Variants in PTK7 observed in about 807,000 individuals in gnomAD.
PTK7 encodes protein tyrosine kinase 7 (inactive), also known as inactive tyrosine-protein kinase 7.
In PTK7, 39 loss-of-function variants were observed where a neutral mutation model predicts 116.6. The ratio of observed to expected loss-of-function variants is 0.33; its 90% CI spans 0.26 to 0.44. PTK7 has a LOEUF of 0.44. Ranked by LOEUF, PTK7 falls within the 20% of genes least tolerant of loss-of-function variation. The probability of loss-of-function intolerance (pLI) is 1.00; values close to 1 mark genes in which losing one functional copy is unlikely to be tolerated. For missense variants in PTK7, 1,169 were observed against 1,425.6 expected, an observed-to-expected ratio of 0.82 and a Z score of 2.90; for synonymous variants, 546 against 563.6, an observed-to-expected ratio of 0.97 and a Z score of 0.44.
intron 1 of PTK7, among the ~76,000 whole-genome samples, chr6:43,120,662 G>A (rs780577979): frequency 3.3e-5 from 5 of 152,256 alleles, no homozygotes; most frequent in Non-Finnish European, 5.9e-5. Flanking sequence ...ATGGGCCCCC[G>A]TTTCTGTAAC....
chr6:43,112,260 T>G (rs899811105), intron 1 of PTK7, among the ~76,000 whole-genome samples: 7 of 151,240 alleles, frequency 4.6e-5, no homozygotes, highest in Non-Finnish European at 3.0e-5. Flanking sequence ...ATTTATTTAT[T>G]TATTTATTTA....
At position 43,129,369 on chromosome 6, in the gene PTK7, G is replaced by A; in HGVS notation, c.367+105G>A. 7.2e-7 allele frequency: 1 copy of A among 1,382,146 alleles called. No homozygotes were observed. The highest frequency in any genetic ancestry group is 1.3e-5 in the South Asian group (1 of 74,300). 85.6% of individuals were successfully genotyped at this position (1,382,146 alleles called of 1,614,324 possible). A position where few individuals can be genotyped will look rare whatever the true frequency, so the allele number is the denominator to read the frequency against. On this transcript the variant is annotated intron_variant, in intron 2 of 19. Coordinates refer to ENST00000230419, the MANE Select transcript of PTK7 (RefSeq NM_002821.5). This position sits in a 1 kb window ranked among gnomAD's most constrained non-coding sequence, Gnocchi z 4.5. ...AGCTTCTCCCATTTCCAGTTAAACG[G>A]GCCAGGCAGAATGCATTTATCATCA...
chr6:43,132,660 A>C lies in PTK7; in HGVS notation c.1201A>C (p.Arg401=), dbSNP rs1324494969. The C allele has an allele frequency of 6.4e-7, 1 of 1,570,614 alleles. No homozygotes were observed. The highest frequency in any genetic ancestry group is 1.4e-5 in the African/African-American group (1 of 73,884). Reference sequence around the variant, plus strand: ...CGCGGCCAACCTGGCTGGTCAGCGGAGACAGGATGTCAACATCACTGTGGC... The same window carrying C: ...CGCGGCCAACCTGGCTGGTCAGCGGCGACAGGATGTCAACATCACTGTGGC... The part of the protein sequence containing the change: ...CHAANLAGQR[R]QDVNITVATV... Residue 401 remains arginine (R), a synonymous_variant, in exon 7 of 20, where the codon AGA becomes CGA. Coordinates refer to ENST00000230419, the MANE Select transcript of PTK7 (RefSeq NM_002821.5).
At chr6:43,128,878 G>C in intron 1 of PTK7, 99 bp from the exon 2 acceptor site, 1 of 1,309,808 alleles carries the variant, frequency 7.6e-7, no homozygotes, top group Non-Finnish European at 1.1e-6. Flanking sequence ...GACGCCTCCT[G>C]TGTACACAGC....
chr6:43,095,437 G>A (rs573717602), intron 1 of PTK7, among the ~76,000 whole-genome samples: 9 of 146,302 alleles, frequency 6.2e-5, no homozygotes, highest in East Asian at 2.0e-4. Context: ...GTGTAGATGC[G>A]TGTGTCAAGC....
At chr6:43,101,445 G>A (rs999311757) in intron 1 of PTK7, among the ~76,000 whole-genome samples, 7 of 150,688 alleles carry the variant, frequency 4.6e-5, no homozygotes, top group Admixed American at 4.0e-4. Flanking sequence ...CTAGCTACTC[G>A]GGAAGCTGAG....
In PTK7 at chr6:43,139,574, T is replaced by TC. The variant is rs770758676; in HGVS notation, c.1618+50dup. The TC allele has an allele frequency of 1.9e-6, 3 of 1,609,716 alleles. No individual in the cohort carries two copies. The South Asian group carries it at 3.3e-5, about 18-fold the overall frequency. On this transcript the variant is annotated intron_variant, in intron 10 of 19. Transcript: ENST00000230419. This position sits in a 1 kb window ranked among gnomAD's most constrained non-coding sequence, Gnocchi z 4.6. ...TAGGGGCAGGCAGGCAGTTCACTGA[T>TC]CAGATACATACCTGAGGGCTGCTGG...
intron 1 of PTK7, among the ~76,000 whole-genome samples, chr6:43,120,458 C>T (rs1302482070): frequency 2.0e-5 from 3 of 152,186 alleles, no homozygotes; most frequent in African/African-American, 4.8e-5. Flanking sequence ...GGAGGCTGCA[C>T]GGGGCTGCGC....
intron 17 of PTK7, among the ~76,000 whole-genome samples, chr6:43,154,384 A>C (rs953966234): frequency 6.6e-6 from 1 of 152,088 alleles, no homozygotes; most frequent in Non-Finnish European, 1.5e-5. Flanking sequence ...GATAGTGCCT[A>C]CTGTATAGGA....
chr6:43,108,737 G>A (rs182176607), intron 1 of PTK7, among the ~76,000 whole-genome samples: 183 of 152,308 alleles, frequency 1.2e-3, no homozygotes, highest in African/African-American at 4.1e-3. Context: ...AGATGTAGAG[G>A]CTTCATCAAG....
Position 43,145,109 on chromosome 6 carries a change from C to T in PTK7, c.2408-91C>T. On this transcript the variant is annotated intron_variant, in intron 15 of 19. Transcript: ENST00000230419. This position sits in a 1 kb window ranked among gnomAD's most constrained non-coding sequence, Gnocchi z 4.8. ...CGTGCCCAGCCCAGGTGGGTGGGTC[C>T]CCACTGTGGGAGAGGCTAGGCCCCT... The T allele has an allele frequency of 8.2e-7, 1 of 1,220,004 alleles. No individual in the cohort carries two copies. The allele number at this position is 1,220,004 out of a possible 1,614,324, so 75.6% of individuals were successfully genotyped here.
intron 12 of PTK7, 34 bp from the exon 13 acceptor site, chr6:43,142,138 G>A (rs376050359): frequency 2.0e-5 from 32 of 1,611,804 alleles, no homozygotes; most frequent in Middle Eastern, 3.3e-4. Flanking sequence ...CCCTCCCTGC[G>A]AGCTGGCCAG....
intron 7 of PTK7, chr6:43,133,006 A>G: frequency 2.1e-6 from 1 of 487,744 alleles, no homozygotes; most frequent in Non-Finnish European, 3.6e-6. Flanking sequence ...ATGGTAGCAA[A>G]TCACCCACCT....
intron 1 of PTK7, among the ~76,000 whole-genome samples, chr6:43,107,922 A>C (rs954390020): frequency 3.3e-5 from 5 of 152,250 alleles, no homozygotes; most frequent in African/African-American, 9.6e-5. Flanking sequence ...TGGCGAAGAC[A>C]GAGTTGTAAG....
In PTK7 at chr6:43,128,925, A is replaced by C. The variant is rs1054744029; in HGVS notation, c.80-52A>C. On this transcript the variant is annotated intron_variant, in intron 1 of 19. Coordinates refer to ENST00000230419, the MANE Select transcript of PTK7 (RefSeq NM_002821.5). ...TGTGCACAAGGTGGCCTGTGTTAGG[A>C]CAGAGGCTGCAGCTCCCCCTGACCC... 9.7e-6 allele frequency: 15 copies of C among 1,550,832 alleles called. No individual in the cohort carries two copies. In the Middle Eastern group the frequency reaches 5.2e-4, roughly 54 times the overall value.
In PTK7 at chr6:43,077,948, C is replaced by T. The variant is rs192797560; in HGVS notation, c.79+1381C>T. On this transcript the variant is annotated intron_variant, in intron 1 of 19. Transcript: ENST00000230419. ...TGTGATGTGTGTGGTGGTTATTGCT[C>T]GTGGCAGAATCCACATCTGCTCCCA... Among the ~76,000 whole-genome samples the T allele has an allele frequency of 2.0e-5, 3 of 152,314 alleles. 1 individual carries two copies. The highest frequency in any genetic ancestry group is 1.3e-4 in the Admixed American group (2 of 15,304).
chr6:43,114,232 A>C (rs902315479), intron 1 of PTK7, among the ~76,000 whole-genome samples: 5 of 152,018 alleles, frequency 3.3e-5, no homozygotes, highest in Non-Finnish European at 7.4e-5. Flanking sequence ...CTGTCTCTCT[A>C]TGATTCTATG....
chr6:43,100,865 A>C (rs1367231995), intron 1 of PTK7, among the ~76,000 whole-genome samples: 1 of 152,242 alleles, frequency 6.6e-6, no homozygotes, highest in African/African-American at 2.4e-5. Flanking sequence ...TACTTAACTA[A>C]ATGAAAAACT....
chr6:43,109,074 A>T (rs1768052027), intron 1 of PTK7, among the ~76,000 whole-genome samples: 1 of 152,246 alleles, frequency 6.6e-6, no homozygotes, highest in Non-Finnish European at 1.5e-5. Flanking sequence ...TGTGTTAAGC[A>T]TCACTGTACA....
Sources: allele counts gnomAD v4.1 joint callset (sites outside exome capture counted in the v4.1 genomes callset), GRCh38; gene constraint gnomAD v4.1.1; non-coding constraint Gnocchi (gnomAD v3.1); transcripts MANE v1.5; gene names NCBI Gene and HGNC (gene_info 2026-07-23, HGNC 2026-07-21).